NOP16: variants seen among roughly 807,000 people sequenced by gnomAD.
The protein encoded by NOP16 is nucleolar protein 16.
A neutral mutation model predicts 22.7 loss-of-function variants in NOP16; 14 were observed. The observed-to-expected ratio is 0.62, with a 90% CI of 0.41 to 0.97. NOP16 has a LOEUF of 0.97. Among genes scored for constraint, NOP16 ranks in the 50% least tolerant of loss-of-function variants. NOP16 has a pLI of 0.00. For synonymous variants in NOP16, 80 were observed against 83.6 expected, an observed-to-expected ratio of 0.96 and a Z score of 0.23; for missense variants, 198 against 235.9, an observed-to-expected ratio of 0.84 and a Z score of 1.05.
At chr5:176,385,408 C>T (rs1480421515) in intron 3 of NOP16, 81 bp from the exon 4 acceptor site, 4 of 841,266 alleles carry the variant, frequency 4.8e-6, no homozygotes, top group African/African-American at 1.7e-5. Flanking sequence ...CACCCCTTCA[C>T]CCACTCCCAA....
intron 4 of NOP16, chr5:176,384,624 A>G: frequency 1.9e-6 from 1 of 525,242 alleles, no homozygotes; most frequent in Non-Finnish European, 3.4e-6. Flanking sequence ...CTGTCTCTCC[A>G]AAAACAATAA....
chr5:176,383,996 TG>T lies in NOP16; in HGVS notation c.*234del. 1 of 1,535,468 alleles carries T rather than the reference TG, an allele frequency of 6.5e-7. No homozygotes were observed. The highest frequency in any genetic ancestry group is 8.7e-7 in the Non-Finnish European group (1 of 1,146,654). On this transcript the variant is annotated 3_prime_UTR_variant, in exon 5 of 5. Coordinates refer to ENST00000614830, the MANE Select transcript of NOP16 (RefSeq NM_016391.8). Reference sequence around the variant, plus strand: ...CACACTATATTTACATCACCCACCCTGAAAACAGCAGGTTCTGGCTTTTCCG... The same window carrying T: ...CACACTATATTTACATCACCCACCCTAAAACAGCAGGTTCTGGCTTTTCCG...
At chr5:176,386,542 A>T (rs1404482258) in intron 3 of NOP16, 1 of 446,536 alleles carries the variant, frequency 2.2e-6, no homozygotes, top group African/African-American at 2.0e-5. Flanking sequence ...CCTTAAATTC[A>T]TGAGAAGCCA....
At position 176,383,998 on chromosome 5, in the gene NOP16, A is replaced by C. The variant is rs1015894147; in HGVS notation, c.*233T>G. ...CACTATATTTACATCACCCACCCTG[A>C]AAACAGCAGGTTCTGGCTTTTCCGT... On this transcript the variant is annotated 3_prime_UTR_variant, in exon 5 of 5. Coordinates refer to ENST00000614830, the MANE Select transcript of NOP16 (RefSeq NM_016391.8). The C allele has an allele frequency of 6.5e-7, 1 of 1,535,756 alleles. No individual in the cohort carries two copies. Among genetic ancestry groups the C allele is most frequent in the African/African-American group, 1.4e-5 (1 of 73,024 alleles).
Position 176,384,699 on chromosome 5 carries a change from G to C in NOP16, c.394-325C>G, listed in dbSNP as rs957503103. The C allele has an allele frequency of 1.5e-5, 6 of 402,582 alleles. No homozygotes were observed. The Admixed American group carries it at 1.7e-4, about 11-fold the overall frequency. The allele number at this position is 402,582 out of a possible 1,614,324, so 24.9% of individuals were successfully genotyped here. On this transcript the variant is annotated intron_variant, in intron 4 of 4. Transcript: ENST00000614830. ...GCAGGAGGACTGTTTCAGCCCGGGA[G>C]GATGAGGCTGCGGTGAGCCATGATC...
Position 176,388,470 on chromosome 5 carries a change from G to A in NOP16, c.70C>T (p.Arg24Trp), listed in dbSNP as rs374285141. The A allele has an allele frequency of 3.5e-5, 56 of 1,614,080 alleles. No homozygotes were observed. Among genetic ancestry groups the A allele is most frequent in the Non-Finnish European group, 4.5e-5 (53 of 1,180,046 alleles). Residue 24 changes from arginine to tryptophan, a missense_variant, in exon 1 of 5, where the codon CGG becomes TGG. Physicochemically the swap from Arg to Trp is moderately radical, Grantham distance 101. Transcript: ENST00000614830. ...GYSVNRKRLNRNARRKAAPRI... is the reference protein window; with the variant it reads ...GYSVNRKRLNWNARRKAAPRI... ...GGCGCTGCCTTCCGTCGAGCATTCCGGTTCAGACGCTTTCGGTTGACACTG... is the reference window on the plus strand; with the variant it reads ...GGCGCTGCCTTCCGTCGAGCATTCCAGTTCAGACGCTTTCGGTTGACACTG...
chr5:176,388,301 C>T lies in NOP16; in HGVS notation c.150G>A (p.Arg50=). The change falls in exon 2 of 5, where the codon CGG becomes CGA. Residue 50 remains arginine (R), a synonymous_variant. Transcript: ENST00000614830. The part of the protein sequence containing the change: ...RHAWDHAKSV[R]QNLAEMGLAV... ...CCAACCCCATCTCGGCCAGGTTCTG[C>T]CGTACCGATTTAGCGTGGTCCCAGG... 1.2e-6 allele frequency: 2 copies of T among 1,614,236 alleles called. No homozygotes were observed. The highest frequency in any genetic ancestry group is 1.7e-6 in the Non-Finnish European group (2 of 1,180,044).
At chr5:176,388,209 G>C (rs774642064) in intron 2 of NOP16, 26 bp downstream of exon 2, 5 of 1,529,490 alleles carry the variant, frequency 3.3e-6, no homozygotes, top group Non-Finnish European at 4.5e-6. Flanking sequence ...AAGAAGACAA[G>C]GACCGAGACC....
chr5:176,384,342 T>TTGA lies in NOP16; in HGVS notation c.423_425dup (p.Tyr141_Gln142insHis). Reference sequence around the variant, plus strand: ...TACTCCGAATCTGTTTTGGGGTATCTTGATAGTAATTCTTCTCATCACGGG... The same window carrying TTGA: ...TACTCCGAATCTGTTTTGGGGTATCTTGATGATAGTAATTCTTCTCATCACGGG... On this transcript the variant is annotated inframe_insertion, in exon 5 of 5. Coordinates refer to ENST00000614830, the MANE Select transcript of NOP16 (RefSeq NM_016391.8). 6.2e-7 allele frequency: 1 copy of TTGA among 1,614,144 alleles called. No individual in the cohort carries two copies. Among genetic ancestry groups the TTGA allele is most frequent in the South Asian group, 1.1e-5 (1 of 91,076 alleles).
chr5:176,383,994 C>G lies in NOP16; in HGVS notation c.*237G>C. On this transcript the variant is annotated 3_prime_UTR_variant, in exon 5 of 5. Transcript: ENST00000614830. ...TACACACTATATTTACATCACCCAC[C>G]CTGAAAACAGCAGGTTCTGGCTTTT... The G allele has an allele frequency of 3.3e-6, 5 of 1,535,124 alleles. No individual in the cohort carries two copies. The highest frequency in any genetic ancestry group is 4.4e-6 in the Non-Finnish European group (5 of 1,146,516).
intron 3 of NOP16, chr5:176,386,575 G>C (rs1755859781): frequency 1.9e-6 from 1 of 529,708 alleles, no homozygotes; most frequent in Non-Finnish European, 3.5e-6. Context: ...AGATTTACTG[G>C]TTTCTCTTCT....
Position 176,385,231 on chromosome 5 carries a change from TC to T in NOP16, c.382del (p.Glu128ArgfsTer135). 1.2e-6 allele frequency: 2 copies of T among 1,600,776 alleles called. No individual in the cohort carries two copies. Among genetic ancestry groups the T allele is most frequent in the Non-Finnish European group, 1.7e-6 (2 of 1,167,818 alleles). ...GCCTGAGCCGCTCACCTTATAGTCC[TC>T]CCCGTGGTTCTCTACCATGTAGCGT... is the stretch of plus-strand genomic sequence containing the variant. ...YVRYMVENHG[E>X]DYKAMARDEK... is the part of the protein sequence containing the mutation. On this transcript the variant is annotated frameshift_variant, in exon 4 of 5. Transcript: ENST00000614830. LOFTEE classifies it high-confidence loss of function.
intron 4 of NOP16, chr5:176,384,714 G>A (rs1417058896): frequency 5.1e-6 from 2 of 389,976 alleles, no homozygotes; most frequent in Non-Finnish European, 4.6e-6. Flanking sequence ...AGGCTGCGGT[G>A]AGCCATGATC....
chr5:176,386,308 A>G, intron 3 of NOP16: 1 of 182,192 alleles, frequency 5.5e-6, no homozygotes, highest in South Asian at 1.2e-4. Context: ...GGAATTCTGT[A>G]TCAAATGTCT....
In NOP16 at chr5:176,385,292, C is replaced by G; in HGVS notation, c.322G>C (p.Gly108Arg). Residue 108 changes from glycine to arginine, a missense_variant, in exon 4 of 5, where the codon GGA becomes CGA. By Grantham distance (125) the Gly-to-Arg change is moderately radical. Transcript: ENST00000614830. The stretch of plus-strand genomic sequence containing the variant: ...ATGAGGTCCCGAGACAGAGTATTTC[C>G]TTTCTTTTCTGGAAGGCTGGCTTCT... ...EAEASLPEKK[G>R]NTLSRDLIDY... The G allele has an allele frequency of 6.2e-7, 1 of 1,613,042 alleles. No homozygotes were observed. The highest frequency in any genetic ancestry group is 8.5e-7 in the Non-Finnish European group (1 of 1,178,992).
At chr5:176,388,021 G>T (rs1462152869) in intron 2 of NOP16, among the ~76,000 whole-genome samples, 1 of 152,224 alleles carries the variant, frequency 6.6e-6, no homozygotes, top group Non-Finnish European at 1.5e-5. Flanking sequence ...AGACTGAGTA[G>T]AGGGGGTATG....
In NOP16 at chr5:176,386,838, A is replaced by C. The variant is rs1192653240; in HGVS notation, c.286+2T>G. 6.8e-6 allele frequency: 11 copies of C among 1,613,200 alleles called. No individual in the cohort carries two copies. Among genetic ancestry groups the C allele is most frequent in the Non-Finnish European group, 9.3e-6 (11 of 1,179,350 alleles). On this transcript the variant is annotated splice_donor_variant, in intron 3 of 4. Coordinates refer to ENST00000614830, the MANE Select transcript of NOP16 (RefSeq NM_016391.8). LOFTEE classifies it high-confidence loss of function. ...CTAAAGGAATATATGGACCACACCC[A>C]CCATTCAGCACATAGGGCTTCCGTA...
At chr5:176,385,729 T>G (rs1755789109) in intron 3 of NOP16, among the ~76,000 whole-genome samples, 1 of 152,176 alleles carries the variant, frequency 6.6e-6, no homozygotes, top group South Asian at 2.1e-4. Flanking sequence ...GATGTATTAT[T>G]GCAACACATG....
Position 176,388,588 on chromosome 5 carries a change from A to C in NOP16, c.-49T>G, listed in dbSNP as rs781235569. 32 of 1,535,366 alleles carry C rather than the reference A, an allele frequency of 2.1e-5. No homozygotes were observed. Among genetic ancestry groups the C allele is most frequent in the Non-Finnish European group, 2.9e-5 (32 of 1,116,516 alleles). ...CTCAAACACGCTGCCTCTGTCTCTC[A>C]GACCTCGTGTAACAAACTCCTTCCG... On this transcript the variant is annotated 5_prime_UTR_variant, in exon 1 of 5. Coordinates refer to ENST00000614830, the MANE Select transcript of NOP16 (RefSeq NM_016391.8).
Sources: gnomAD v4.1 joint callset for allele counts (sites outside exome capture counted in the v4.1 genomes callset) on GRCh38, gnomAD v4.1.1 for gene constraint, MANE v1.5 for transcripts, NCBI Gene and HGNC (gene_info 2026-07-23, HGNC 2026-07-21) for gene names.